Variants in SV2C observed in about 807,000 individuals in gnomAD.
SV2C encodes the protein synaptic vesicle glycoprotein 2C, also known as solute carrier family 22 member B3.
In SV2C, 49 loss-of-function variants were observed where a neutral mutation model predicts 79.7. The observed-to-expected ratio is 0.61, with a 90% CI of 0.49 to 0.78. SV2C has a LOEUF of 0.78. Ranked by LOEUF, SV2C falls within the 30% of genes least tolerant of loss-of-function variation. The probability of loss-of-function intolerance (pLI) is 0.00; values close to 1 mark genes in which losing one functional copy is unlikely to be tolerated. For synonymous variants in SV2C, 334 were observed against 333.2 expected, an observed-to-expected ratio of 1.00 and a Z score of -0.03; for missense variants, 833 against 912.9, an observed-to-expected ratio of 0.91 and a Z score of 1.13.
chr5:75,849,573 C>G, the SV2C span, among the ~76,000 whole-genome samples: 1 of 152,148 alleles, frequency 6.6e-6, no homozygotes, highest in African/African-American at 2.4e-5. Context: ...CTAGATTTTT[C>G]AATCTTACCT....
chr5:76,324,091 T>A (rs1290295697), intron 12 of SV2C, among the ~76,000 whole-genome samples: 15 of 152,180 alleles, frequency 9.9e-5, no homozygotes, highest in Non-Finnish European at 2.9e-5. Flanking sequence ...CAAATCTAAG[T>A]AAATATATTG....
intron 1 of SV2C, among the ~76,000 whole-genome samples, chr5:76,094,915 T>A (rs1747501454): frequency 6.6e-6 from 1 of 152,112 alleles, no homozygotes; most frequent in Admixed American, 6.6e-5. Context: ...CTATTGACAG[T>A]GTCTTTTGAT....
chr5:75,935,544 T>C, the SV2C span, among the ~76,000 whole-genome samples: 3 of 152,052 alleles, frequency 2.0e-5, no homozygotes, highest in South Asian at 6.2e-4. Context: ...AGGGTAAAAG[T>C]TATGGGTATA....
chr5:75,898,583 A>C, the SV2C span, among the ~76,000 whole-genome samples: 7 of 152,202 alleles, frequency 4.6e-5, no homozygotes, highest in South Asian at 4.1e-4. Flanking sequence ...CTGGCCTCAT[A>C]AAATGAGTTA....
chr5:76,140,999 A>G (rs926417967), intron 2 of SV2C, among the ~76,000 whole-genome samples: 3 of 152,208 alleles, frequency 2.0e-5, no homozygotes, highest in Non-Finnish European at 2.9e-5. Flanking sequence ...TGGATTCATT[A>G]TTGCAAAATT....
chr5:76,012,475 G>A, the SV2C span, among the ~76,000 whole-genome samples: 4 of 152,162 alleles, frequency 2.6e-5, no homozygotes, highest in South Asian at 4.2e-4. Context: ...TTGTAAATTT[G>A]TTTAAGTTCC....
the SV2C span, among the ~76,000 whole-genome samples, chr5:75,960,690 G>A: frequency 6.6e-6 from 1 of 152,078 alleles, no homozygotes; most frequent in Admixed American, 6.6e-5. Flanking sequence ...TGTTCACACA[G>A]TGACAAAAAT....
At chr5:76,284,049 C>T (rs1747273366) in intron 4 of SV2C, among the ~76,000 whole-genome samples, 1 of 152,206 alleles carries the variant, frequency 6.6e-6, no homozygotes, top group South Asian at 2.1e-4. Flanking sequence ...TTTCACCTCA[C>T]ATAATTCATC....
the SV2C span, among the ~76,000 whole-genome samples, chr5:75,849,138 G>A: frequency 2.6e-5 from 4 of 152,160 alleles, no homozygotes; most frequent in Non-Finnish European, 4.4e-5. Flanking sequence ...ATAGTGTCTG[G>A]CACATAGTAA....
intron 2 of SV2C, among the ~76,000 whole-genome samples, chr5:76,190,955 G>A (rs182562790): frequency 2.0e-5 from 3 of 152,204 alleles, no homozygotes; most frequent in Admixed American, 2.0e-4. Context: ...GATTGTGATT[G>A]TCACCTCATG....
chr5:76,035,771 G>A, the SV2C span, among the ~76,000 whole-genome samples: 1 of 152,068 alleles, frequency 6.6e-6, no homozygotes, highest in African/African-American at 2.4e-5. Flanking sequence ...TCTGCTTGGT[G>A]CAGAGCTGAG....
chr5:76,094,453 C>A (rs1013931282), intron 1 of SV2C, among the ~76,000 whole-genome samples: 1 of 151,886 alleles, frequency 6.6e-6, no homozygotes, highest in African/African-American at 2.4e-5. Flanking sequence ...TTTTTAACAC[C>A]GTATTTTTGA....
In SV2C at chr5:76,325,492, G is replaced by A. The variant is rs1748967392; in HGVS notation, c.2129G>A (p.Cys710Tyr). Residue 710 changes from cysteine to tyrosine, a missense_variant, in exon 13 of 13, where the codon TGT (cysteine) becomes TAT (tyrosine). By Grantham distance (194) the Cys-to-Tyr change is radical. Coordinates refer to ENST00000502798, the MANE Select transcript of SV2C (RefSeq NM_014979.4). ...CTGCTGGCTTCTACTGTGCTCGTGT[G>A]TGGAGGACTCGTTGGGCTGTGCCTG... ...PILLASTVLV[C>Y]GGLVGLCLPD... 1 of 1,614,182 alleles carries A rather than the reference G, an allele frequency of 6.2e-7. No individual in the cohort carries two copies. The highest frequency in any genetic ancestry group is 1.7e-5 in the Admixed American group (1 of 60,026).
intron 2 of SV2C, among the ~76,000 whole-genome samples, chr5:76,157,318 A>G (rs957035356): frequency 1.3e-5 from 2 of 152,126 alleles, no homozygotes; most frequent in Non-Finnish European, 2.9e-5. Context: ...CAGCAAAGCT[A>G]TCTTTCATAA....
chr5:76,281,244 T>C (rs1452007369), intron 4 of SV2C: 1 of 521,454 alleles, frequency 1.9e-6, no homozygotes, highest in Non-Finnish European at 3.9e-6. Flanking sequence ...AGAAAAGTAA[T>C]AGACTCTGAT....
At chr5:76,136,378 C>T (rs2112197418) in intron 2 of SV2C, among the ~76,000 whole-genome samples, 1 of 152,286 alleles carries the variant, frequency 6.6e-6, no homozygotes, top group East Asian at 1.9e-4. Context: ...ATTTGATAAG[C>T]ATTAATTGAG....
At chr5:76,315,724 T>A (rs1232486774) in intron 12 of SV2C, among the ~76,000 whole-genome samples, 3 of 152,068 alleles carry the variant, frequency 2.0e-5, no homozygotes, top group African/African-American at 7.2e-5. Flanking sequence ...TCTGGTGAAA[T>A]GAATTAAGCT....
chr5:76,104,842 A>G (rs1212250332), intron 1 of SV2C, among the ~76,000 whole-genome samples: 1 of 152,138 alleles, frequency 6.6e-6, no homozygotes, highest in Non-Finnish European at 1.5e-5. Context: ...GCTTTTGTCT[A>G]CATGCGGTTG....
chr5:76,321,673 C>T (rs1264635344), intron 12 of SV2C, among the ~76,000 whole-genome samples: 2 of 150,336 alleles, frequency 1.3e-5, no homozygotes, highest in African/African-American at 2.5e-5. Flanking sequence ...CCCAGTAGAT[C>T]GAGGCTGCAG....
Sources: allele counts gnomAD v4.1 joint callset (sites outside exome capture counted in the v4.1 genomes callset), GRCh38; gene constraint gnomAD v4.1.1; transcripts MANE v1.5; gene names NCBI Gene and HGNC (gene_info 2026-07-23, HGNC 2026-07-21).